The following DRC11 variants were observed in gnomAD, a reference collection of about 807,000 sequenced individuals.
DRC11 encodes IQ and AAA domain-containing protein 1.
chr2:236,440,425 C>T, the DRC11 span, among the ~76,000 whole-genome samples: 35 of 152,130 alleles, frequency 2.3e-4, no homozygotes, highest in Non-Finnish European at 4.9e-4. Flanking sequence ...CAAATCTTCT[C>T]TTGGTTTCTA....
the DRC11 span, among the ~76,000 whole-genome samples, chr2:236,382,493 G>T: frequency 6.6e-6 from 1 of 151,908 alleles, no homozygotes; most frequent in Non-Finnish European, 1.5e-5. Context: ...TATATTTCTG[G>T]GATTTTGATA....
chr2:236,356,851 TTCA>T, the DRC11 span, among the ~76,000 whole-genome samples: 20 of 149,724 alleles, frequency 1.3e-4, no homozygotes, highest in African/African-American at 4.2e-4. Flanking sequence ...TTATTGCATG[TTCA>T]TCATTTGTCA....
chr2:236,324,631 C>A, the DRC11 span: 1 of 1,021,908 alleles, frequency 9.8e-7, no homozygotes, highest in Non-Finnish European at 1.5e-6. This position sits in a 1 kb window ranked among gnomAD's most constrained non-coding sequence, Gnocchi z 5.7. Flanking sequence ...CAGAGAGACT[C>A]AAGCATGGTT....
At chr2:236,307,328 G>A in the DRC11 span, among the ~76,000 whole-genome samples, 2 of 152,170 alleles carry the variant, frequency 1.3e-5, no homozygotes, top group East Asian at 1.9e-4. The surrounding 1 kb of genome is among the most constrained non-coding windows in gnomAD (Gnocchi z 7.0). Context: ...AGAGGCCCGC[G>A]GGAAGGGGAG....
the DRC11 span, among the ~76,000 whole-genome samples, chr2:236,328,877 G>A: frequency 6.6e-6 from 1 of 152,182 alleles, no homozygotes; most frequent in African/African-American, 2.4e-5. This position sits in a 1 kb window ranked among gnomAD's most constrained non-coding sequence, Gnocchi z 6.7. Flanking sequence ...GAAACATGGT[G>A]GCTTTAAGCC....
At chr2:236,396,821 G>A in the DRC11 span, among the ~76,000 whole-genome samples, 32 of 152,262 alleles carry the variant, frequency 2.1e-4, no homozygotes, top group Admixed American at 6.5e-5. Flanking sequence ...TTATTGAGCC[G>A]ATTATAGGCC....
At chr2:236,367,877 T>C in the DRC11 span, 1 of 363,974 alleles carries the variant, frequency 2.7e-6, no homozygotes, top group South Asian at 2.3e-5. The surrounding 1 kb of genome is among the most constrained non-coding windows in gnomAD (Gnocchi z 4.8). Context: ...GTGGTAGCCC[T>C]AGCCCGTTCT....
At chr2:236,341,415 G>T in the DRC11 span, among the ~76,000 whole-genome samples, 1 of 152,242 alleles carries the variant, frequency 6.6e-6, no homozygotes, top group Non-Finnish European at 1.5e-5. Context: ...GGGGGCAGGG[G>T]TGTGTTTGTA....
the DRC11 span, among the ~76,000 whole-genome samples, chr2:236,350,062 A>G: frequency 1.3e-5 from 2 of 152,164 alleles, no homozygotes; most frequent in Non-Finnish European, 2.9e-5. The surrounding 1 kb of genome is among the most constrained non-coding windows in gnomAD (Gnocchi z 5.2). Flanking sequence ...TTTCAGCGTT[A>G]ACTTTTCTCT....
chr2:236,374,983 G>A, the DRC11 span, among the ~76,000 whole-genome samples: 8 of 151,368 alleles, frequency 5.3e-5, no homozygotes, highest in Non-Finnish European at 1.0e-4. Context: ...TTACAGGTGT[G>A]AGCCACCGTG....
chr2:236,491,059 T>TATATACACAC, the DRC11 span, among the ~76,000 whole-genome samples: 70 of 138,218 alleles, frequency 5.1e-4, 2 homozygotes, highest in African/African-American at 1.8e-3. Flanking sequence ...TATATATATA[T>TATATACACAC]ACACACAGTA....
the DRC11 span, among the ~76,000 whole-genome samples, chr2:236,502,548 CAAAAAAAAAA>C: frequency 0.01 from 157 of 15,072 alleles, 1 homozygote; most frequent in African/African-American, 0.02. Flanking sequence ...TGCACTCCAG[CAAAAAAAAAA>C]AAAAAAAAAA....
At chr2:236,370,131 T>C in the DRC11 span, among the ~76,000 whole-genome samples, 3 of 151,686 alleles carry the variant, frequency 2.0e-5, no homozygotes, top group Non-Finnish European at 2.9e-5. The surrounding 1 kb of genome is among the most constrained non-coding windows in gnomAD (Gnocchi z 5.5). Context: ...AAAGGAGAAA[T>C]TTGGACACAG....
chr2:236,502,285 T>A, the DRC11 span, among the ~76,000 whole-genome samples: 2 of 151,818 alleles, frequency 1.3e-5, no homozygotes, highest in Admixed American at 1.3e-4. Context: ...ATACATCAAT[T>A]AGTACAGCAA....
the DRC11 span, among the ~76,000 whole-genome samples, chr2:236,379,267 C>T: frequency 6.7e-6 from 1 of 150,370 alleles, no homozygotes; most frequent in Non-Finnish European, 1.5e-5. Context: ...AACCCCCAAA[C>T]AGAAGAGTGA....
At chr2:236,454,569 C>T in the DRC11 span, 1 of 152,208 alleles carries the variant, frequency 6.6e-6, no homozygotes, top group Admixed American at 6.5e-5. The surrounding 1 kb of genome is among the most constrained non-coding windows in gnomAD (Gnocchi z 5.3). Flanking sequence ...TAACTCACCT[C>T]TCTGCATGTG....
At chr2:236,382,255 T>A in the DRC11 span, among the ~76,000 whole-genome samples, 2 of 152,210 alleles carry the variant, frequency 1.3e-5, no homozygotes, top group East Asian at 3.8e-4. Flanking sequence ...CAGGTAGGCA[T>A]GTTTGTGTGG....
At chr2:236,311,012 G>A in the DRC11 span, among the ~76,000 whole-genome samples, 1 of 152,222 alleles carries the variant, frequency 6.6e-6, no homozygotes, top group East Asian at 1.9e-4. The surrounding 1 kb of genome is among the most constrained non-coding windows in gnomAD (Gnocchi z 6.9). Context: ...GAGCTATCAT[G>A]CCTGCTCTGG....
chr2:236,329,336 G>T, the DRC11 span, among the ~76,000 whole-genome samples: 2 of 152,196 alleles, frequency 1.3e-5, no homozygotes, highest in African/African-American at 4.8e-5. Flanking sequence ...GGCCTACCAT[G>T]CCTGTCCATA....
Sources: allele counts gnomAD v4.1 joint callset (sites outside exome capture counted in the v4.1 genomes callset), GRCh38; gene constraint gnomAD v4.1.1; non-coding constraint Gnocchi (gnomAD v3.1); transcripts MANE v1.5; gene names NCBI Gene and HGNC (gene_info 2026-07-23, HGNC 2026-07-21).